Variants in REDIC1 observed in about 807,000 individuals in gnomAD.
REDIC1 encodes the protein regulator of DNA class I crossover intermediates 1.
chr12:39,667,553 G>T, the REDIC1 span, among the ~76,000 whole-genome samples: 6 of 152,278 alleles, frequency 3.9e-5, no homozygotes, highest in South Asian at 2.1e-4. Context: ...GTTGATTTGG[G>T]GTGGAGAGTT....
the REDIC1 span, among the ~76,000 whole-genome samples, chr12:39,787,947 T>C: frequency 6.6e-6 from 1 of 152,190 alleles, no homozygotes; most frequent in African/African-American, 2.4e-5. Flanking sequence ...TTGGTACTAA[T>C]GTAATATATG....
the REDIC1 span, among the ~76,000 whole-genome samples, chr12:39,675,157 T>C: frequency 2.0e-5 from 3 of 152,084 alleles, no homozygotes; most frequent in African/African-American, 7.2e-5. Context: ...CCGGAGGCTT[T>C]CTCTCAGTGA....
the REDIC1 span, among the ~76,000 whole-genome samples, chr12:39,638,835 A>T: frequency 1.3e-5 from 2 of 151,894 alleles, no homozygotes; most frequent in African/African-American, 4.8e-5. Context: ...GCACATAGGG[A>T]TGGGCATTAA....
chr12:39,812,103 G>A, the REDIC1 span, among the ~76,000 whole-genome samples: 1 of 152,080 alleles, frequency 6.6e-6, no homozygotes, highest in African/African-American at 2.4e-5. Flanking sequence ...TCAGGGTTTT[G>A]GAGGCTGGGA....
At chr12:39,868,980 C>G in the REDIC1 span, among the ~76,000 whole-genome samples, 4 of 152,036 alleles carry the variant, frequency 2.6e-5, no homozygotes, top group South Asian at 8.3e-4. Context: ...TATTTTTAGT[C>G]CAATATAATA....
the REDIC1 span, among the ~76,000 whole-genome samples, chr12:39,799,170 C>T: frequency 2.6e-5 from 4 of 151,154 alleles, no homozygotes. Context: ...GCAACCTCCG[C>T]CTCCCAGGTT....
the REDIC1 span, among the ~76,000 whole-genome samples, chr12:39,689,255 A>C: frequency 6.6e-6 from 1 of 152,250 alleles, no homozygotes; most frequent in Non-Finnish European, 1.5e-5. Context: ...GAATCACTAC[A>C]TGGAGGAAAA....
the REDIC1 span, among the ~76,000 whole-genome samples, chr12:39,820,949 A>G: frequency 6.6e-6 from 1 of 151,914 alleles, no homozygotes. Flanking sequence ...CCCCTACTTA[A>G]AAACCTTAAC....
At chr12:39,769,216 G>T in the REDIC1 span, among the ~76,000 whole-genome samples, 1 of 151,962 alleles carries the variant, frequency 6.6e-6, no homozygotes, top group East Asian at 1.9e-4. Flanking sequence ...ATAAACTTTT[G>T]TCAACTATTG....
At chr12:39,871,161 C>A in the REDIC1 span, among the ~76,000 whole-genome samples, 2 of 151,942 alleles carry the variant, frequency 1.3e-5, no homozygotes, top group Non-Finnish European at 2.9e-5. Context: ...ATGAAACAGT[C>A]CTTGTGTACA....
At chr12:39,859,942 T>C in the REDIC1 span, among the ~76,000 whole-genome samples, 2 of 152,194 alleles carry the variant, frequency 1.3e-5, no homozygotes, top group Non-Finnish European at 2.9e-5. Context: ...AGAGGTAATA[T>C]GCTAGGCATC....
the REDIC1 span, among the ~76,000 whole-genome samples, chr12:39,703,894 T>C: frequency 6.6e-6 from 1 of 152,146 alleles, no homozygotes; most frequent in African/African-American, 2.4e-5. Context: ...TGAAACTGGA[T>C]CCCTTCCTTA....
chr12:39,737,501 C>T, the REDIC1 span, among the ~76,000 whole-genome samples: 2 of 152,228 alleles, frequency 1.3e-5, no homozygotes, highest in Admixed American at 6.5e-5. Context: ...GTAAAACACT[C>T]AGTAATCATT....
the REDIC1 span, among the ~76,000 whole-genome samples, chr12:39,713,017 GTATATA>G: frequency 1.0e-3 from 137 of 137,340 alleles, no homozygotes; most frequent in African/African-American, 3.9e-3. Context: ...ATATACATGT[GTATATA>G]CGTGTATATG....
chr12:39,686,046 G>T, the REDIC1 span, among the ~76,000 whole-genome samples: 1 of 152,226 alleles, frequency 6.6e-6, no homozygotes, highest in African/African-American at 2.4e-5. Context: ...GTTTTGCAAG[G>T]TTCAGCCCCT....
At chr12:39,676,829 C>T in the REDIC1 span, among the ~76,000 whole-genome samples, 2 of 151,974 alleles carry the variant, frequency 1.3e-5, no homozygotes, top group Non-Finnish European at 2.9e-5. Flanking sequence ...ATAATATAAG[C>T]CAAGGATTTT....
the REDIC1 span, among the ~76,000 whole-genome samples, chr12:39,723,119 TGTCCATCA>T: frequency 6.6e-6 from 1 of 152,172 alleles, no homozygotes; most frequent in Non-Finnish European, 1.5e-5. Flanking sequence ...AAAGTAATGC[TGTCCATCA>T]CTCCATGAGA....
the REDIC1 span, among the ~76,000 whole-genome samples, chr12:39,666,070 C>A: frequency 6.6e-6 from 1 of 152,134 alleles, no homozygotes; most frequent in Non-Finnish European, 1.5e-5. Flanking sequence ...CTTCTCCTGC[C>A]TAATTGCCCT....
At chr12:39,728,598 T>C in the REDIC1 span, among the ~76,000 whole-genome samples, 66 of 152,282 alleles carry the variant, frequency 4.3e-4, no homozygotes, top group African/African-American at 1.4e-3. Flanking sequence ...CATATTGGCC[T>C]GAAATTTTGT....
Sources: gnomAD v4.1 joint callset for allele counts (sites outside exome capture counted in the v4.1 genomes callset) on GRCh38, gnomAD v4.1.1 for gene constraint, MANE v1.5 for transcripts, NCBI Gene and HGNC (gene_info 2026-07-23, HGNC 2026-07-21) for gene names.